Variants in GNAO1 observed in about 807,000 individuals in gnomAD.
GNAO1 encodes the protein guanine nucleotide-binding protein G(o) subunit alpha.
For synonymous variants in GNAO1, 164 were observed against 180.7 expected (o/e 0.91, Z 0.74); for missense variants, 166 against 478.7 (o/e 0.35, Z 6.10).
chr16:56,297,000 G>A (rs959331333), intron 3 of GNAO1, among the ~76,000 whole-genome samples: 2 of 152,134 alleles, frequency 1.3e-5, no homozygotes, highest in Non-Finnish European at 2.9e-5. Flanking sequence ...AGCCCTTTGG[G>A]TGTTAAAGGT....
At chr16:56,315,368 A>AT (rs1196594917) in intron 3 of GNAO1, among the ~76,000 whole-genome samples, 6 of 152,016 alleles carry the variant, frequency 3.9e-5, no homozygotes, top group African/African-American at 1.5e-4. Flanking sequence ...AATTTTGTCT[A>AT]TCCAATTTTA....
In GNAO1 at chr16:56,192,164, G is replaced by A. The variant is rs2036181429; in HGVS notation, c.-72G>A. On this transcript the variant is annotated 5_prime_UTR_variant, in exon 1 of 9. Coordinates refer to ENST00000262493, the MANE Select transcript of GNAO1 (RefSeq NM_020988.3). ...TGAGCCCAGGCTCTGCTCTCTGGGG[G>A]GGTGGGGGGCGCTCCAAGCCGGGGA... 4 of 824,842 alleles carry A rather than the reference G, an allele frequency of 4.8e-6. No individual in the cohort carries two copies. Among genetic ancestry groups the A allele is most frequent in the South Asian group, 2.9e-5 (2 of 68,812 alleles). The allele number at this position is 824,842 out of a possible 1,614,324, so 51.1% of individuals were successfully genotyped here. A position where few individuals can be genotyped will look rare whatever the true frequency, so the allele number is the denominator to read the frequency against.
At chr16:56,238,604 G>A (rs1272391798) in intron 2 of GNAO1, among the ~76,000 whole-genome samples, 1 of 152,216 alleles carries the variant, frequency 6.6e-6, no homozygotes, top group Non-Finnish European at 1.5e-5. Flanking sequence ...GGGAGCAATT[G>A]TTCCCCCTCA....
intron 3 of GNAO1, among the ~76,000 whole-genome samples, chr16:56,325,140 T>C (rs764117856): frequency 2.0e-5 from 3 of 152,042 alleles, no homozygotes; most frequent in Non-Finnish European, 4.4e-5. Flanking sequence ...AATCAGAGGG[T>C]TGGGAGTTGA....
At chr16:56,212,051 G>A (rs1481491705) in intron 2 of GNAO1, among the ~76,000 whole-genome samples, 3 of 152,186 alleles carry the variant, frequency 2.0e-5, no homozygotes, top group Non-Finnish European at 4.4e-5. Context: ...AGGCTGCTTG[G>A]CAATTGATGG....
intron 3 of GNAO1, among the ~76,000 whole-genome samples, chr16:56,290,253 G>C (rs1258778763): frequency 6.6e-6 from 1 of 152,100 alleles, no homozygotes; most frequent in Non-Finnish European, 1.5e-5. Context: ...CAGACCCCTG[G>C]TATGTGTGCT....
chr16:56,346,382 C>A (rs1322995382), intron 6 of GNAO1: 1 of 985,288 alleles, frequency 1.0e-6, no homozygotes, highest in Non-Finnish European at 1.2e-6. Context: ...GGTAACCTCT[C>A]CGATGGCTCG....
intron 2 of GNAO1, among the ~76,000 whole-genome samples, chr16:56,244,106 A>C (rs527413074): frequency 3.2e-4 from 48 of 152,342 alleles, no homozygotes; most frequent in African/African-American, 1.1e-3. Context: ...GCCACTCGCC[A>C]TGCTATACTA....
intron 2 of GNAO1, among the ~76,000 whole-genome samples, chr16:56,226,747 G>A (rs2036536450): frequency 6.6e-6 from 1 of 152,176 alleles, no homozygotes; most frequent in Admixed American, 6.6e-5. Context: ...GAGTTTGGTG[G>A]TTTCTTCTCC....
chr16:56,315,474 GC>G (rs1167480831), intron 3 of GNAO1, among the ~76,000 whole-genome samples: 2 of 152,144 alleles, frequency 1.3e-5, no homozygotes, highest in Non-Finnish European at 2.9e-5. Flanking sequence ...TCACCTTAAA[GC>G]TTTTTTGGGA....
chr16:56,205,297 C>T (rs1386340414), intron 2 of GNAO1, among the ~76,000 whole-genome samples: 5 of 152,164 alleles, frequency 3.3e-5, no homozygotes, highest in Non-Finnish European at 5.9e-5. Context: ...TCTGAATTCA[C>T]GTGGAAAGAA....
chr16:56,236,702 C>G (rs542749049), intron 2 of GNAO1, among the ~76,000 whole-genome samples: 5 of 152,350 alleles, frequency 3.3e-5, no homozygotes, highest in Admixed American at 6.5e-5. Flanking sequence ...ATTATAGTTA[C>G]ACCAGCGCTT....
intron 2 of GNAO1, among the ~76,000 whole-genome samples, chr16:56,258,978 T>A (rs1391140929): frequency 6.6e-6 from 1 of 152,246 alleles, no homozygotes; most frequent in East Asian, 1.9e-4. Flanking sequence ...CTTTGTTCTT[T>A]ATGGAAAGTG....
intron 6 of GNAO1, chr16:56,340,688 G>A (rs931717481): frequency 2.9e-5 from 21 of 713,798 alleles, no homozygotes; most frequent in Admixed American, 1.1e-4. Flanking sequence ...GGGTCCTCCC[G>A]TCTCCGTCCT....
At chr16:56,346,454 A>G in intron 6 of GNAO1, 4 of 985,208 alleles carry the variant, frequency 4.1e-6, no homozygotes, top group Non-Finnish European at 4.8e-6. Flanking sequence ...ACTCATGAAA[A>G]TTGTGCCTGC....
At chr16:56,282,629 C>T (rs2037125655) in intron 3 of GNAO1, among the ~76,000 whole-genome samples, 1 of 152,214 alleles carries the variant, frequency 6.6e-6, no homozygotes, top group African/African-American at 2.4e-5. Flanking sequence ...GAGAGTCAGG[C>T]AGCTCATGCT....
intron 3 of GNAO1, among the ~76,000 whole-genome samples, chr16:56,298,932 G>A (rs1217101788): frequency 6.6e-6 from 1 of 151,524 alleles, no homozygotes; most frequent in African/African-American, 2.4e-5. Flanking sequence ...AAAAAAAAAG[G>A]GTTAATTAAA....
intron 2 of GNAO1, among the ~76,000 whole-genome samples, chr16:56,229,695 TAA>T (rs531597145): frequency 2.7e-4 from 41 of 152,322 alleles, no homozygotes; most frequent in Middle Eastern, 3.4e-3. Flanking sequence ...CCATTGAGAT[TAA>T]GTTTCATTGT....
At chr16:56,333,939 C>T (rs2037716074) in intron 4 of GNAO1, among the ~76,000 whole-genome samples, 1 of 152,368 alleles carries the variant, frequency 6.6e-6, no homozygotes, top group Admixed American at 6.5e-5. Flanking sequence ...CAGATCCTAC[C>T]CTGGCTTTAG....
Sources: gnomAD v4.1 joint callset for allele counts (sites outside exome capture counted in the v4.1 genomes callset) on GRCh38, gnomAD v4.1.1 for gene constraint, MANE v1.5 for transcripts, NCBI Gene and HGNC (gene_info 2026-07-23, HGNC 2026-07-21) for gene names.